DAB1: variants seen among roughly 807,000 people sequenced by gnomAD.
DAB1 encodes DAB adaptor protein 1, also known as disabled homolog 1.
A neutral mutation model predicts 64.6 loss-of-function variants in DAB1; 15 were observed. The observed-to-expected ratio is 0.23, with a 90% CI of 0.16 to 0.36. DAB1 has a LOEUF of 0.36. DAB1 is among the 10% of genes least tolerant of loss of function. The pLI is 1.00. For missense variants in DAB1, 596 were observed against 706.7 expected (o/e 0.84, Z 1.78); for synonymous variants, 235 against 251.9 (o/e 0.93, Z 0.64).
intron 5 of DAB1, among the ~76,000 whole-genome samples, chr1:57,936,911 C>T (rs972865285): frequency 2.0e-5 from 3 of 152,092 alleles, no homozygotes; most frequent in African/African-American, 7.2e-5. Context: ...AGTCTTTGCT[C>T]CAGCCACACT....
chr1:57,525,736 A>G (rs1259671957), intron 7 of DAB1, among the ~76,000 whole-genome samples: 2 of 152,138 alleles, frequency 1.3e-5, no homozygotes, highest in Non-Finnish European at 2.9e-5. Flanking sequence ...TAACCACATT[A>G]TTATTATATT....
At chr1:57,296,349 T>C (rs1260422004) in intron 1 of DAB1, among the ~76,000 whole-genome samples, 3 of 152,156 alleles carry the variant, frequency 2.0e-5, no homozygotes, top group East Asian at 1.9e-4. Context: ...ATTTCCTATC[T>C]CTGTCCATTA....
intron 2 of DAB1, among the ~76,000 whole-genome samples, chr1:57,274,418 G>A (rs1419082141): frequency 6.6e-6 from 1 of 152,140 alleles, no homozygotes; most frequent in African/African-American, 2.4e-5. Flanking sequence ...TAAAAATCCA[G>A]ACGAGTGTCT....
intron 6 of DAB1, among the ~76,000 whole-genome samples, chr1:57,798,251 C>T (rs557550941): frequency 6.6e-6 from 1 of 152,344 alleles, no homozygotes; most frequent in East Asian, 1.9e-4. Context: ...ATGCCAGAGA[C>T]ACAAAGCAGA....
chr1:58,077,326 T>C (rs1649716622), intron 5 of DAB1, among the ~76,000 whole-genome samples: 1 of 152,138 alleles, frequency 6.6e-6, no homozygotes, highest in Non-Finnish European at 1.5e-5. Context: ...TGCCTCCAGC[T>C]TTCCCCTGCA....
chr1:57,629,259 C>T lies in DAB1; in HGVS notation n.625+20333G>A, dbSNP rs147242866. ...GATTACTAAACATATGTCAGAAACACATGCATTTCTTATAAATGGCCAGCA... is the reference window on the plus strand; with the variant it reads ...GATTACTAAACATATGTCAGAAACATATGCATTTCTTATAAATGGCCAGCA... On this transcript the variant is annotated intron_variant and non_coding_transcript_variant, in intron 7 of 20. Coordinates refer to the DAB1 transcript ENST00000485760. Among the ~76,000 whole-genome samples, 380 of 152,326 alleles carry T rather than the reference C, an allele frequency of 2.5e-3. 2 individuals are homozygous for T. Among genetic ancestry groups the T allele is most frequent in the African/African-American group, 8.3e-3 (343 of 41,570 alleles).
chr1:57,013,871 C>G (rs960223537), intron 12 of DAB1, among the ~76,000 whole-genome samples: 2 of 152,152 alleles, frequency 1.3e-5, no homozygotes, highest in African/African-American at 4.8e-5. Flanking sequence ...GAAATATGAG[C>G]TGGAGGAGAC....
At chr1:58,302,863 T>C (rs558086959) in intron 4 of DAB1, among the ~76,000 whole-genome samples, 1 of 152,294 alleles carries the variant, frequency 6.6e-6, no homozygotes, top group East Asian at 1.9e-4. Flanking sequence ...CTGTAGAGCT[T>C]TGGCATCACC....
chr1:58,163,196 A>C (rs1436616934), intron 4 of DAB1, among the ~76,000 whole-genome samples: 2 of 152,214 alleles, frequency 1.3e-5, no homozygotes, highest in Non-Finnish European at 2.9e-5. Flanking sequence ...GCCAGTGGAC[A>C]AAGATAAAAA....
intron 1 of DAB1, chr1:58,534,000 A>C (rs1557457072): frequency 2.3e-6 from 2 of 871,876 alleles, no homozygotes. Context: ...AGAAGGAAAG[A>C]AAGTTGATGA....
chr1:57,984,179 T>TAAA (rs769375614), intron 5 of DAB1, among the ~76,000 whole-genome samples: 4 of 34,260 alleles, frequency 1.2e-4, no homozygotes, highest in South Asian at 1.2e-3. Flanking sequence ...AGGACTAGCT[T>TAAA]AAAAAAAAGA....
intron 4 of DAB1, among the ~76,000 whole-genome samples, chr1:57,075,198 T>G (rs1651876819): frequency 6.6e-6 from 1 of 152,204 alleles, no homozygotes; most frequent in Non-Finnish European, 1.5e-5. Context: ...CCTGGTGGAA[T>G]TAGATTTGGA....
intron 5 of DAB1, among the ~76,000 whole-genome samples, chr1:57,992,434 G>A (rs1428159192): frequency 6.6e-6 from 1 of 152,132 alleles, no homozygotes; most frequent in African/African-American, 2.4e-5. Context: ...TTGAAAAATA[G>A]GCAGTGTAGA....
chr1:57,442,721 A>G (rs989199311), intron 7 of DAB1, among the ~76,000 whole-genome samples: 1 of 152,362 alleles, frequency 6.6e-6, no homozygotes, highest in African/African-American at 2.4e-5. Context: ...GGATGCCCAG[A>G]AGAGTCAATG....
chr1:58,101,396 T>C (rs757789060), intron 5 of DAB1, among the ~76,000 whole-genome samples: 1 of 152,064 alleles, frequency 6.6e-6, no homozygotes, highest in Non-Finnish European at 1.5e-5. Flanking sequence ...GGGGGATCAG[T>C]AATCGTATGG....
At chr1:58,260,372 G>A (rs951298192) in intron 4 of DAB1, among the ~76,000 whole-genome samples, 2 of 152,150 alleles carry the variant, frequency 1.3e-5, no homozygotes, top group Non-Finnish European at 2.9e-5. Context: ...TTTCTTGAAG[G>A]TGATCCTGTC....
intron 3 of DAB1, among the ~76,000 whole-genome samples, chr1:58,450,088 T>C (rs1645115947): frequency 6.6e-6 from 1 of 152,220 alleles, no homozygotes; most frequent in Non-Finnish European, 1.5e-5. Flanking sequence ...CCAATCAAGA[T>C]GGTATATGCA....
chr1:57,081,224 G>T (rs563475892), intron 4 of DAB1, among the ~76,000 whole-genome samples: 37 of 152,154 alleles, frequency 2.4e-4, no homozygotes, highest in Non-Finnish European at 2.6e-4. Context: ...TTCTCATAGG[G>T]ATATAAGGAA....
At chr1:57,205,305 A>C (rs1665447625) in intron 2 of DAB1, among the ~76,000 whole-genome samples, 1 of 152,206 alleles carries the variant, frequency 6.6e-6, no homozygotes, top group Middle Eastern at 3.2e-3. Context: ...TCTTTCTTTT[A>C]CATATACACC....
Sources: gnomAD v4.1 joint callset for allele counts (sites outside exome capture counted in the v4.1 genomes callset) on GRCh38, gnomAD v4.1.1 for gene constraint, MANE v1.5 for transcripts, NCBI Gene and HGNC (gene_info 2026-07-23, HGNC 2026-07-21) for gene names.